TEX11: variants seen among roughly 807,000 people sequenced by gnomAD.
TEX11 encodes testis-expressed protein 11.
TEX11 carries 7 observed loss-of-function variants against 84.4 expected under a neutral mutation model. The ratio of observed to expected loss-of-function variants is 0.08; its 90% CI spans 0.05 to 0.16. The LOEUF is 0.16. TEX11 is among the 10% of genes least tolerant of loss of function. The probability of loss-of-function intolerance (pLI) is 1.00; values close to 1 mark genes in which losing one functional copy is unlikely to be tolerated. For synonymous variants in TEX11, 264 were observed against 222.8 expected, an observed-to-expected ratio of 1.18 and a Z score of -1.64; for missense variants, 551 against 660.5, an observed-to-expected ratio of 0.83 and a Z score of 1.82.
intron 20 of TEX11, among the ~76,000 whole-genome samples, chrX:70,611,747 T>C (rs886626087): frequency 9.0e-6 from 1 of 111,258 alleles, no homozygotes; most frequent in African/African-American, 3.3e-5. Flanking sequence ...CTAGCCATCC[T>C]GTCCCACTTA....
At chrX:70,859,099 A>G (rs761069700) in intron 5 of TEX11, among the ~76,000 whole-genome samples, 1 of 111,030 alleles carries the variant, frequency 9.0e-6, no homozygotes, top group Admixed American at 9.6e-5. Flanking sequence ...TTGAGGAGAT[A>G]TAGAAGAAAC....
At chrX:70,724,342 T>C in intron 12 of TEX11, 5 of 427,735 alleles carry the variant, frequency 1.2e-5, no homozygotes, top group Non-Finnish European at 1.5e-5. Flanking sequence ...CTGAGGTCTC[T>C]TAAGTGATTG....
chrX:70,604,429 C>T (rs1429622235), intron 24 of TEX11, among the ~76,000 whole-genome samples: 1 of 110,938 alleles, frequency 9.0e-6, no homozygotes, highest in Non-Finnish European at 1.9e-5. Flanking sequence ...AGAGGGCCCC[C>T]TTTACTCCTC....
chrX:70,697,314 A>G (rs1027894702), intron 13 of TEX11, among the ~76,000 whole-genome samples: 6 of 111,942 alleles, frequency 5.4e-5, no homozygotes. Flanking sequence ...TAGGGCATGG[A>G]AGCCCCTTTG....
At chrX:70,838,352 G>A (rs1959199933) in intron 7 of TEX11, among the ~76,000 whole-genome samples, 1 of 111,966 alleles carries the variant, frequency 8.9e-6, no homozygotes, top group Admixed American at 9.5e-5. Flanking sequence ...GAACCCAGGA[G>A]GTGGAGGTTG....
At chrX:70,863,760 G>A (rs2091582925) in intron 4 of TEX11, among the ~76,000 whole-genome samples, 1 of 111,465 alleles carries the variant, frequency 9.0e-6, no homozygotes, top group Admixed American at 9.6e-5. Context: ...GCTCCAGAAG[G>A]TGGGTATAAC....
rs544185523 is a variant in TEX11, at chrX:70,794,715, C to T, written c.692+11990G>A. 1.2e-4 allele frequency among the ~76,000 whole-genome samples: 13 copies of T among 110,085 alleles called. No individual in the cohort carries two copies. In the South Asian group the frequency reaches 3.1e-3, roughly 26 times the overall value. Reference sequence around the variant, plus strand: ...TACTGGATAACATTTCTAGACACAACCAGGGCCAGAAGGGGATCTGCTGCC... The same window carrying T: ...TACTGGATAACATTTCTAGACACAATCAGGGCCAGAAGGGGATCTGCTGCC... On this transcript the variant is annotated intron_variant, in intron 9 of 29. Coordinates refer to ENST00000374333, the MANE Select transcript of TEX11 (RefSeq NM_031276.3).
At chrX:70,678,752 A>ATTTTTTTTT in intron 15 of TEX11, 52 bp downstream of exon 15, 1 of 1,040,734 alleles carries the variant, frequency 9.6e-7, no homozygotes, top group Non-Finnish European at 1.3e-6. Flanking sequence ...TGAATGCACT[A>ATTTTTTTTT]TTTTTTGTTG....
intron 13 of TEX11, among the ~76,000 whole-genome samples, chrX:70,718,993 A>G (rs1006684979): frequency 3.6e-5 from 4 of 111,153 alleles, no homozygotes; most frequent in Non-Finnish European, 5.7e-5. Flanking sequence ...AATTATCTTC[A>G]CGTTAACCTC....
At chrX:70,837,685 T>C (rs905959106) in intron 7 of TEX11, among the ~76,000 whole-genome samples, 32 of 112,194 alleles carry the variant, frequency 2.9e-4, no homozygotes, top group African/African-American at 8.7e-4. Context: ...AGTGTAATAT[T>C]ACATTTATAT....
At chrX:70,768,436 C>T (rs2090954048) in intron 9 of TEX11, among the ~76,000 whole-genome samples, 2 of 111,564 alleles carry the variant, frequency 1.8e-5, no homozygotes, top group African/African-American at 3.3e-5. Context: ...TCCATTTTCA[C>T]ACTGCCATAA....
intron 25 of TEX11, among the ~76,000 whole-genome samples, chrX:70,565,249 G>GT (rs1266086932): frequency 1.0e-4 from 10 of 97,738 alleles, no homozygotes; most frequent in African/African-American, 2.2e-4. Context: ...TTTTTGATGG[G>GT]GTTTTTTTTT....
At chrX:70,750,929 A>ATATATAT (rs1556039277) in intron 9 of TEX11, among the ~76,000 whole-genome samples, 14 of 26,670 alleles carry the variant, frequency 5.2e-4, no homozygotes, top group African/African-American at 1.3e-3. Context: ...AATAAAAAAA[A>ATATATAT]AAAAATATAT....
At chrX:70,665,891 C>T (rs1461544501) in intron 16 of TEX11, among the ~76,000 whole-genome samples, 2 of 112,102 alleles carry the variant, frequency 1.8e-5, no homozygotes, top group African/African-American at 3.2e-5. Context: ...AAAGAGCACT[C>T]ACAGATCTTA....
chrX:70,678,774 TAAAG>T (rs2090098325), intron 15 of TEX11, 26 bp downstream of exon 15: 1 of 1,155,568 alleles, frequency 8.7e-7, no homozygotes, highest in Non-Finnish European at 1.2e-6. Context: ...AGTGGAGAAA[TAAAG>T]AATGAAAAAG....
intron 9 of TEX11, among the ~76,000 whole-genome samples, chrX:70,755,416 T>C (rs1290648905): frequency 8.9e-6 from 1 of 111,776 alleles, no homozygotes. Context: ...GCAGAATTGA[T>C]CAAGTAGAAG....
intron 17 of TEX11, among the ~76,000 whole-genome samples, chrX:70,648,981 T>A (rs2089780566): frequency 9.0e-6 from 1 of 111,250 alleles, no homozygotes; most frequent in Admixed American, 9.6e-5. Flanking sequence ...GGTTTTCGGT[T>A]CCTGCATTAG....
chrX:70,737,484 A>C (rs766588447), intron 11 of TEX11, among the ~76,000 whole-genome samples: 1 of 111,041 alleles, frequency 9.0e-6, no homozygotes, highest in Non-Finnish European at 1.9e-5. Context: ...AAAAAATCAC[A>C]AAGAGCCCCA....
chrX:70,711,847 G>C (rs1440570483), intron 13 of TEX11, among the ~76,000 whole-genome samples: 1 of 111,332 alleles, frequency 9.0e-6, no homozygotes, highest in East Asian at 2.8e-4. Context: ...TGCTGTTTTA[G>C]ACATGAAGTC....
Sources: allele counts gnomAD v4.1 joint callset (sites outside exome capture counted in the v4.1 genomes callset), GRCh38; gene constraint gnomAD v4.1.1; transcripts MANE v1.5; gene names NCBI Gene and HGNC (gene_info 2026-07-23, HGNC 2026-07-21).